The following SNX27 variants were observed in gnomAD, a reference collection of about 807,000 sequenced individuals.
SNX27 encodes sorting nexin 27.
A neutral mutation model predicts 71.6 loss-of-function variants in SNX27; 22 were observed. The observed-to-expected ratio is 0.31, with a 90% confidence interval of 0.22 to 0.44. The LOEUF (loss-of-function observed/expected upper bound fraction) is 0.44. Ranked by LOEUF, SNX27 falls within the 20% of genes least tolerant of loss-of-function variation. The pLI is 1.00. For synonymous variants in SNX27, 269 were observed against 277.2 expected (o/e 0.97, Z 0.29); for missense variants, 531 against 698.6 (o/e 0.76, Z 2.70).
intron 2 of SNX27, among the ~76,000 whole-genome samples, chr1:151,657,803 C>G (rs1206645805): frequency 1.3e-5 from 2 of 152,062 alleles, no homozygotes; most frequent in African/African-American, 4.8e-5. Context: ...GAGGTCGAGA[C>G]CAGCCTGGCC....
intron 1 of SNX27, among the ~76,000 whole-genome samples, chr1:151,632,953 G>A (rs1483766824): frequency 6.6e-6 from 1 of 151,638 alleles, no homozygotes; most frequent in Non-Finnish European, 1.5e-5. Context: ...CTCACTGCAA[G>A]CTCCACCTCC....
At chr1:151,638,822 G>T in intron 1 of SNX27, 66 bp from the exon 2 acceptor site, 1 of 1,425,796 alleles carries the variant, frequency 7.0e-7, no homozygotes, top group South Asian at 1.2e-5. Context: ...GGGCAGGAGG[G>T]TGGAGATACA....
At chr1:151,694,344 A>G (rs1019679290) in intron 11 of SNX27, 26 bp from the exon 12 acceptor site, 5 of 1,549,550 alleles carry the variant, frequency 3.2e-6, no homozygotes, top group Non-Finnish European at 4.4e-6. Flanking sequence ...TGCCTTCCCA[A>G]TAACTCTTTT....
At chr1:151,635,643 C>T (rs529347664) in intron 1 of SNX27, among the ~76,000 whole-genome samples, 4 of 152,118 alleles carry the variant, frequency 2.6e-5, no homozygotes, top group South Asian at 2.1e-4. Context: ...GGGGTTTTTA[C>T]TGACCTTATT....
chr1:151,612,612 C>T lies in SNX27; in HGVS notation c.311+100C>T, dbSNP rs948556728. 305 of 985,214 alleles carry T rather than the reference C, an allele frequency of 3.1e-4. 2 individuals carry two copies. Among genetic ancestry groups the T allele is most frequent in the Non-Finnish European group, 3.8e-4 (288 of 754,672 alleles). 61.0% of individuals were successfully genotyped at this position (985,214 alleles called of 1,614,324 possible). ...ACCCCCAGGCCGCACCTCCCCCGAG[C>T]TCCGAGCCGGCCTCCGGACCCCCGC... On this transcript the variant is annotated intron_variant, in intron 1 of 11. Coordinates refer to ENST00000458013, the MANE Select transcript of SNX27 (RefSeq NM_001330723.2). This position sits in a 1 kb window ranked among gnomAD's most constrained non-coding sequence, Gnocchi z 5.2.
intron 7 of SNX27, chr1:151,676,493 A>T (rs2102710078): frequency 6.6e-6 from 1 of 151,316 alleles, no homozygotes; most frequent in East Asian, 2.0e-4. Context: ...TTTTGTACAG[A>T]CAGGGTTTTG....
chr1:151,631,673 C>G lies in SNX27; in HGVS notation c.312-7215C>G, dbSNP rs934818968. Among the ~76,000 whole-genome samples the G allele has an allele frequency of 1.1e-4, 16 of 152,146 alleles. No homozygotes were observed. In the South Asian group the frequency reaches 3.1e-3, roughly 30 times the overall value. On this transcript the variant is annotated intron_variant, in intron 1 of 11. Coordinates refer to ENST00000458013, the MANE Select transcript of SNX27 (RefSeq NM_001330723.2). Reference sequence around the variant, plus strand: ...TACTTGGTCAGAAGAAAATGCTTTACAATCTTAAATGCTTAAATTTTTTTT... The same window carrying G: ...TACTTGGTCAGAAGAAAATGCTTTAGAATCTTAAATGCTTAAATTTTTTTT...
At chr1:151,630,932 T>C (rs1455564237) in intron 1 of SNX27, among the ~76,000 whole-genome samples, 2 of 152,136 alleles carry the variant, frequency 1.3e-5, no homozygotes, top group Non-Finnish European at 2.9e-5. Context: ...CTCGGGAGGC[T>C]GAGGCGGGAG....
chr1:151,632,987 T>G (rs557159607), intron 1 of SNX27, among the ~76,000 whole-genome samples: 1 of 152,068 alleles, frequency 6.6e-6, no homozygotes, highest in African/African-American at 2.4e-5. Flanking sequence ...TTCTCCTGCC[T>G]CAGCCTCCCT....
At chr1:151,689,678 A>G (rs895203251) in intron 8 of SNX27, among the ~76,000 whole-genome samples, 9 of 152,218 alleles carry the variant, frequency 5.9e-5, no homozygotes, top group South Asian at 2.1e-4. Context: ...TCAAGGGTCA[A>G]CGACACCCAC....
chr1:151,648,997 C>T (rs1669200115), intron 2 of SNX27, among the ~76,000 whole-genome samples: 1 of 151,280 alleles, frequency 6.6e-6, no homozygotes, highest in Admixed American at 6.6e-5. Context: ...GAGTCTTGCT[C>T]TGTTGCCCAG....
chr1:151,691,762 C>T (rs566962575), intron 8 of SNX27, among the ~76,000 whole-genome samples: 38 of 152,174 alleles, frequency 2.5e-4, no homozygotes, highest in African/African-American at 8.7e-4. Flanking sequence ...GATCCACCCG[C>T]CTCGGCCTCT....
intron 1 of SNX27, among the ~76,000 whole-genome samples, chr1:151,631,546 TA>T (rs1159397498): frequency 1.3e-5 from 2 of 152,256 alleles, no homozygotes; most frequent in Non-Finnish European, 2.9e-5. Flanking sequence ...TTTTCATAAA[TA>T]TTTTTAAGAT....
intron 8 of SNX27, among the ~76,000 whole-genome samples, chr1:151,686,283 A>G (rs929989590): frequency 1.8e-4 from 28 of 152,264 alleles, no homozygotes; most frequent in Non-Finnish European, 5.9e-5. Flanking sequence ...AGTACGTGCC[A>G]GGCACAGTGC....
At chr1:151,672,330 A>C (rs1283567941) in intron 7 of SNX27, among the ~76,000 whole-genome samples, 2 of 152,284 alleles carry the variant, frequency 1.3e-5, no homozygotes, top group African/African-American at 2.4e-5. Context: ...CCATCCTTAC[A>C]TTCCCAAGGA....
Position 151,662,229 on chromosome 1 carries a change from G to T in SNX27, c.865G>T (p.Val289Phe). ...VALPDGTTVT[V>F]RVKKNSTTDQ... ...ATTACCAGATGGAACAACGGTTACAGTCAGGGTTAAAAAGAACAGTACTAC... is the reference window on the plus strand; with the variant it reads ...ATTACCAGATGGAACAACGGTTACATTCAGGGTTAAAAAGAACAGTACTAC... Residue 289 changes from valine to phenylalanine, a missense_variant, in exon 5 of 12, where the codon GTC becomes TTC. Transcript: ENST00000458013. The T allele has an allele frequency of 6.2e-7, 1 of 1,613,692 alleles. No homozygotes were observed. The highest frequency in any genetic ancestry group is 8.5e-7 in the Non-Finnish European group (1 of 1,179,692).
intron 2 of SNX27, among the ~76,000 whole-genome samples, chr1:151,655,017 A>G (rs1231892766): frequency 6.6e-6 from 1 of 151,966 alleles, no homozygotes; most frequent in African/African-American, 2.4e-5. Context: ...GCTTTTTTAT[A>G]TGTCTAGTAA....
intron 2 of SNX27, among the ~76,000 whole-genome samples, chr1:151,642,721 C>T (rs983326201): frequency 2.0e-5 from 3 of 152,032 alleles, no homozygotes; most frequent in African/African-American, 7.2e-5. Context: ...TCACTGCAAG[C>T]TCCGCCTCCA....
chr1:151,652,209 AG>A (rs1669433852), intron 2 of SNX27, among the ~76,000 whole-genome samples: 1 of 57,402 alleles, frequency 1.7e-5, no homozygotes, highest in African/African-American at 9.6e-5. Context: ...GACCGTGGGG[AG>A]AGGGAGAGGG....
Sources: allele counts gnomAD v4.1 joint callset (sites outside exome capture counted in the v4.1 genomes callset), GRCh38; gene constraint gnomAD v4.1.1; non-coding constraint Gnocchi (gnomAD v3.1); transcripts MANE v1.5; gene names NCBI Gene and HGNC (gene_info 2026-07-23, HGNC 2026-07-21).